The following CLYBL variants were observed in gnomAD, a reference collection of about 807,000 sequenced individuals.
The protein encoded by CLYBL is citramalyl-CoA lyase, mitochondrial.
CLYBL carries 31 observed loss-of-function variants against 38.9 expected under a neutral mutation model. That is an observed-to-expected ratio of 0.80 (90% confidence interval 0.60 to 1.08). The LOEUF is 1.08. CLYBL is among the 50% of genes least tolerant of loss of function. The probability of loss-of-function intolerance (pLI) is 0.00; values close to 1 mark genes in which losing one functional copy is unlikely to be tolerated. For synonymous variants in CLYBL, 171 were observed against 158.6 expected (o/e 1.08, Z -0.59); for missense variants, 434 against 411.6 (o/e 1.05, Z -0.47).
intron 4 of CLYBL, 90 bp from the exon 5 acceptor site, chr13:99,864,728 T>C: frequency 2.4e-6 from 2 of 837,994 alleles, no homozygotes; most frequent in Non-Finnish European, 4.0e-6. Flanking sequence ...GTGTTAAGAG[T>C]CAGGTCGTCC....
chr13:99,751,617 C>T (rs2048959329), intron 1 of CLYBL, among the ~76,000 whole-genome samples: 1 of 152,134 alleles, frequency 6.6e-6, no homozygotes, highest in South Asian at 2.1e-4. Flanking sequence ...TAGTCAAATT[C>T]ATAGAGATGG....
At chr13:99,792,417 A>G (rs1301799826) in intron 2 of CLYBL, among the ~76,000 whole-genome samples, 2 of 152,182 alleles carry the variant, frequency 1.3e-5, no homozygotes, top group Non-Finnish European at 2.9e-5. Context: ...AGTGGGGATC[A>G]GAGCAGCCGC....
At position 99,870,974 on chromosome 13, in the gene CLYBL, T is replaced by C. The variant is rs2139251357; in HGVS notation, c.839T>C (p.Val280Ala). The change falls in exon 7 of 9, where the codon GTC (valine) becomes GCC (alanine). Residue 280 changes from valine (V) to alanine (A), a missense_variant. Transcript: ENST00000339105. ...QVIHPNQIAV[V>A]QEQFSPSPEK... ...ATTCACCCTAACCAAATTGCCGTGG[T>C]CCAGGAGCAGTTTTCTCCTTCCCCT... 6.2e-7 allele frequency: 1 copy of C among 1,613,792 alleles called. No individual in the cohort carries two copies. The highest frequency in any genetic ancestry group is 8.5e-7 in the Non-Finnish European group (1 of 1,179,838).
intron 2 of CLYBL, among the ~76,000 whole-genome samples, chr13:99,819,464 A>G (rs2050540771): frequency 3.9e-5 from 2 of 51,338 alleles, no homozygotes; most frequent in Admixed American, 4.9e-4. Context: ...ATATATATAT[A>G]TATAATATTT....
intron 1 of CLYBL, among the ~76,000 whole-genome samples, chr13:99,707,520 C>G (rs1374507169): frequency 6.6e-6 from 1 of 152,124 alleles, no homozygotes; most frequent in Non-Finnish European, 1.5e-5. Flanking sequence ...GATCTGCCCC[C>G]CTCGGCCTCC....
At chr13:99,861,663 G>T (rs952624100) in intron 3 of CLYBL, among the ~76,000 whole-genome samples, 19 of 152,156 alleles carry the variant, frequency 1.2e-4, no homozygotes, top group Admixed American at 1.3e-4. Context: ...CCCTTTGAAG[G>T]GGGGGCAGTG....
At chr13:99,786,656 A>G (rs563610473) in intron 2 of CLYBL, among the ~76,000 whole-genome samples, 5 of 152,336 alleles carry the variant, frequency 3.3e-5, no homozygotes, top group African/African-American at 9.6e-5. Context: ...GCATAGTGCC[A>G]CAATAAACAT....
In CLYBL at chr13:99,635,496, T is replaced by C. The variant is rs375698570; in HGVS notation, c.62+28739T>C. Among the ~76,000 whole-genome samples, 130 of 152,258 alleles carry C rather than the reference T, an allele frequency of 8.5e-4. 1 individual carries two copies. Among genetic ancestry groups the C allele is most frequent in the African/African-American group, 3.1e-3 (128 of 41,548 alleles). ...TGGCCATTCAGCCTCCCCTTCCACA[T>C]GTTCAGCCCTCCTGGCTTTGCGCAG... On this transcript the variant is annotated intron_variant, in intron 1 of 8. Coordinates refer to ENST00000339105, the MANE Select transcript of CLYBL (RefSeq NM_206808.5).
intron 2 of CLYBL, among the ~76,000 whole-genome samples, chr13:99,782,366 G>A (rs2049675774): frequency 6.6e-6 from 1 of 152,076 alleles, no homozygotes; most frequent in Admixed American, 6.6e-5. Context: ...CATTAGCTGG[G>A]CGTGGTGGTG....
At chr13:99,901,655 TTTG>T (rs1185644997), downstream of CLYBL, among the ~76,000 whole-genome samples, 105 of 145,900 alleles carry the variant, frequency 7.2e-4, no homozygotes, top group African/African-American at 1.9e-3. Flanking sequence ...GTTTTTTTTT[TTTG>T]TTTGTTTGTT....
intron 1 of CLYBL, among the ~76,000 whole-genome samples, chr13:99,749,669 G>T (rs959538746): frequency 2.0e-5 from 3 of 152,222 alleles, no homozygotes; most frequent in Non-Finnish European, 2.9e-5. Context: ...TCAGGAGAGA[G>T]TTTGCTCTGA....
intron 1 of CLYBL, among the ~76,000 whole-genome samples, chr13:99,655,052 G>A (rs964534705): frequency 6.6e-6 from 1 of 151,750 alleles, no homozygotes; most frequent in African/African-American, 2.4e-5. Context: ...GGGAGTGATG[G>A]CCCAGCACTA....
intron 6 of CLYBL, among the ~76,000 whole-genome samples, 189 bp from the exon 7 acceptor site, chr13:99,870,749 G>T (rs979302980): frequency 1.3e-5 from 2 of 152,120 alleles, no homozygotes; most frequent in African/African-American, 4.8e-5. Flanking sequence ...TTGTGCTTCT[G>T]TGGTATTCTG....
chr13:99,745,562 A>G (rs886323365), intron 1 of CLYBL, among the ~76,000 whole-genome samples: 5 of 152,248 alleles, frequency 3.3e-5, no homozygotes, highest in African/African-American at 1.2e-4. Flanking sequence ...CATTAAACAT[A>G]CTTCAAAAAC....
rs533697758 is a variant in CLYBL at position 99,708,689 on chromosome 13, T to G, written c.63-64135T>G. Among the ~76,000 whole-genome samples, 13 of 152,354 alleles carry G rather than the reference T, an allele frequency of 8.5e-5. No homozygotes were observed. The East Asian group carries it at 1.3e-3, about 16-fold the overall frequency. ...GCCCAGTAAATACTAGCTGTTGTTA[T>G]GGATTGAATTGTGTTGCCTCCCCAC... is the stretch of plus-strand genomic sequence containing the variant. On this transcript the variant is annotated intron_variant, in intron 1 of 8. Transcript: ENST00000339105.
chr13:99,842,448 GC>G (rs1293321925), intron 2 of CLYBL, among the ~76,000 whole-genome samples: 2 of 152,164 alleles, frequency 1.3e-5, no homozygotes, highest in Admixed American at 1.3e-4. Context: ...TGAACAGGCT[GC>G]CTCTCGTTGT....
At chr13:99,709,322 G>A (rs1451090421) in intron 1 of CLYBL, among the ~76,000 whole-genome samples, 1 of 152,160 alleles carries the variant, frequency 6.6e-6, no homozygotes, top group Non-Finnish European at 1.5e-5. Context: ...ACAGCTGTGA[G>A]ACAATAAATG....
chr13:99,782,802 G>A (rs760381026), intron 2 of CLYBL, among the ~76,000 whole-genome samples: 3 of 151,840 alleles, frequency 2.0e-5, no homozygotes, highest in Non-Finnish European at 4.4e-5. Flanking sequence ...ATTTCCATTA[G>A]CAATTCACAT....
chr13:99,731,561 G>T (rs975885988), intron 1 of CLYBL, among the ~76,000 whole-genome samples: 4 of 151,774 alleles, frequency 2.6e-5, no homozygotes, highest in Non-Finnish European at 4.4e-5. Flanking sequence ...CTTACTGATG[G>T]TTTCACCAGC....
Sources: gnomAD v4.1 joint callset for allele counts (sites outside exome capture counted in the v4.1 genomes callset) on GRCh38, gnomAD v4.1.1 for gene constraint, MANE v1.5 for transcripts, NCBI Gene and HGNC (gene_info 2026-07-23, HGNC 2026-07-21) for gene names.